Variants in SORCS1 observed in about 807,000 individuals in gnomAD.
SORCS1 encodes VPS10 domain-containing receptor SorCS1.
In SORCS1, 60 loss-of-function variants were observed where a neutral mutation model predicts 146.1. The observed-to-expected ratio is 0.41, with a 90% CI of 0.33 to 0.51. The LOEUF is 0.51. SORCS1 is among the 20% of genes least tolerant of loss of function. SORCS1 has a pLI of 0.21. For synonymous variants in SORCS1, 637 were observed against 584.0 expected, an observed-to-expected ratio of 1.09 and a Z score of -1.31; for missense variants, 1,352 against 1,487.6, an observed-to-expected ratio of 0.91 and a Z score of 1.50.
intron 4 of SORCS1, among the ~76,000 whole-genome samples, chr10:106,774,983 T>C (rs935255689): frequency 3.3e-5 from 5 of 152,206 alleles, no homozygotes; most frequent in Non-Finnish European, 1.5e-5. Flanking sequence ...TCACCATAAG[T>C]AGCTGGGATG....
At chr10:106,719,126 C>T (rs147148346) in intron 6 of SORCS1, among the ~76,000 whole-genome samples, 238 of 151,796 alleles carry the variant, frequency 1.6e-3, no homozygotes, top group African/African-American at 5.0e-3. Context: ...AGTTAAAGAG[C>T]GACAGAGACA....
intron 17 of SORCS1, among the ~76,000 whole-genome samples, chr10:106,656,043 G>T (rs1275994823): frequency 6.6e-6 from 1 of 152,170 alleles, no homozygotes; most frequent in African/African-American, 2.4e-5. Flanking sequence ...GTAATGGCAA[G>T]GGAGTCTTTG....
rs370128320 is a variant in SORCS1, at chr10:106,815,181, T to C, written c.726+14393A>G. On this transcript the variant is annotated intron_variant, in intron 3 of 25. Coordinates refer to ENST00000263054, the MANE Select transcript of SORCS1 (RefSeq NM_052918.5). ...TCCATGTTGGTCAGGCTGGTCTCGA[T>C]CTCCTGACCTCGTGATCCACCCACC... 1.6e-4 allele frequency among the ~76,000 whole-genome samples: 24 copies of C among 152,014 alleles called. 2 individuals carry two copies. The highest frequency in any genetic ancestry group is 5.1e-4 in the African/African-American group (21 of 41,494).
intron 10 of SORCS1, among the ~76,000 whole-genome samples, chr10:106,682,131 T>C (rs558418179): frequency 4.6e-5 from 7 of 152,014 alleles, no homozygotes; most frequent in African/African-American, 1.7e-4. Context: ...CCATCTCTAA[T>C]ACAAAACCAA....
chr10:106,929,933 G>T (rs993344988), intron 2 of SORCS1, among the ~76,000 whole-genome samples: 1 of 152,228 alleles, frequency 6.6e-6, no homozygotes, highest in Admixed American at 6.5e-5. Context: ...GAATGGATGG[G>T]AGGACCTCTT....
the SORCS1 span, among the ~76,000 whole-genome samples, chr10:107,180,546 T>G: frequency 6.6e-6 from 1 of 152,162 alleles, no homozygotes; most frequent in African/African-American, 2.4e-5. Context: ...TCCTATGGGT[T>G]GTCAATTTTT....
chr10:106,717,210 C>T (rs932394886), intron 6 of SORCS1, among the ~76,000 whole-genome samples: 18 of 152,136 alleles, frequency 1.2e-4, no homozygotes, highest in Admixed American at 4.6e-4. Context: ...CCCATACAAG[C>T]GCATATAACT....
rs1041593099 is a variant in SORCS1 at position 106,677,298 on chromosome 10, A to T, written c.1832+15T>A. 6.2e-7 allele frequency: 1 copy of T among 1,611,848 alleles called. No homozygotes were observed. Among genetic ancestry groups the T allele is most frequent in the Non-Finnish European group, 8.5e-7 (1 of 1,178,008 alleles). ...ACCATCAGGTGCAGATTTCACAGGC[A>T]GCATGTGCCCTTACCAAAGATGTCG... On this transcript the variant is annotated intron_variant, in intron 13 of 25. Transcript: ENST00000263054.
chr10:107,048,946 G>A (rs1959805897), intron 1 of SORCS1, among the ~76,000 whole-genome samples: 1 of 152,144 alleles, frequency 6.6e-6, no homozygotes, highest in Non-Finnish European at 1.5e-5. Context: ...GAGGGCAAAA[G>A]AGAGTGTCTG....
intron 2 of SORCS1, among the ~76,000 whole-genome samples, chr10:106,921,764 C>T (rs4918267): frequency 0.52 from 79,597 of 152,018 alleles, 22,433 homozygotes; most frequent in Non-Finnish European, 0.63. Context: ...GCTAAGGGTC[C>T]AGTGCCCCAA....
intron 18 of SORCS1, among the ~76,000 whole-genome samples, chr10:106,635,437 T>C (rs929908613): frequency 1.4e-4 from 22 of 152,066 alleles, no homozygotes; most frequent in Admixed American, 1.4e-3. Flanking sequence ...ACAGTAAATA[T>C]ACCATAAATC....
intron 18 of SORCS1, among the ~76,000 whole-genome samples, chr10:106,639,059 T>G (rs1010927884): frequency 2.0e-5 from 3 of 152,200 alleles, no homozygotes; most frequent in African/African-American, 7.2e-5. Flanking sequence ...GCAGAACTGA[T>G]TCAAGTGCTG....
chr10:106,685,166 C>T (rs1852730538), intron 10 of SORCS1, among the ~76,000 whole-genome samples: 1 of 152,146 alleles, frequency 6.6e-6, no homozygotes, highest in Non-Finnish European at 1.5e-5. Context: ...ACAAATCCTC[C>T]AGTGGACTCT....
intron 5 of SORCS1, among the ~76,000 whole-genome samples, chr10:106,738,022 C>G (rs1156988308): frequency 7.0e-6 from 1 of 143,166 alleles, no homozygotes; most frequent in Non-Finnish European, 1.6e-5. Context: ...AAATCTCTAA[C>G]TATTTTATTG....
At chr10:106,771,645 T>G (rs1424036491) in intron 4 of SORCS1, among the ~76,000 whole-genome samples, 8 of 152,226 alleles carry the variant, frequency 5.3e-5, no homozygotes, top group Non-Finnish European at 7.3e-5. Context: ...TGCCATGGAA[T>G]TCTTCATACT....
At chr10:106,996,199 C>G (rs1343968218) in intron 1 of SORCS1, among the ~76,000 whole-genome samples, 1 of 148,164 alleles carries the variant, frequency 6.7e-6, no homozygotes, top group African/African-American at 2.5e-5. Context: ...TGTACTCCAG[C>G]CTGGGCGACA....
At chr10:106,613,185 T>C (rs903927517) in intron 21 of SORCS1, among the ~76,000 whole-genome samples, 5 of 152,276 alleles carry the variant, frequency 3.3e-5, no homozygotes, top group African/African-American at 1.2e-4. Context: ...TATTCAGGGA[T>C]TTTCTTCATT....
At chr10:107,048,155 A>G (rs761716096) in intron 1 of SORCS1, among the ~76,000 whole-genome samples, 1 of 152,174 alleles carries the variant, frequency 6.6e-6, no homozygotes, top group African/African-American at 2.4e-5. Flanking sequence ...GTCTTTTGAT[A>G]CTGTTTTGTA....
intron 1 of SORCS1, among the ~76,000 whole-genome samples, chr10:107,036,698 A>G (rs1230714369): frequency 6.6e-6 from 1 of 152,210 alleles, no homozygotes; most frequent in African/African-American, 2.4e-5. Context: ...CTACTGCCTC[A>G]GATCCAAAGC....
Sources: gnomAD v4.1 joint callset for allele counts (sites outside exome capture counted in the v4.1 genomes callset) on GRCh38, gnomAD v4.1.1 for gene constraint, MANE v1.5 for transcripts, NCBI Gene and HGNC (gene_info 2026-07-23, HGNC 2026-07-21) for gene names.